The following PACS1 variants were observed in gnomAD, a reference collection of about 807,000 sequenced individuals.
PACS1 encodes PACS-1.
In PACS1, 24 loss-of-function variants were observed where a neutral mutation model predicts 115.0. The ratio of observed to expected loss-of-function variants is 0.21; its 90% CI spans 0.15 to 0.29. The LOEUF (loss-of-function observed/expected upper bound fraction) is 0.29, where lower values mean the gene tolerates loss of function less well. PACS1 is among the 10% of genes least tolerant of loss of function. The probability of loss-of-function intolerance (pLI) is 1.00; values close to 1 mark genes in which losing one functional copy is unlikely to be tolerated. For synonymous variants in PACS1, 453 were observed against 504.5 expected (o/e 0.90, Z 1.37); for missense variants, 838 against 1,251.2 (o/e 0.67, Z 4.98).
At chr11:66,181,324 TG>T (rs1860007033) in intron 1 of PACS1, among the ~76,000 whole-genome samples, 1 of 151,994 alleles carries the variant, frequency 6.6e-6, no homozygotes, top group Admixed American at 6.6e-5. Flanking sequence ...ACGATTCTTC[TG>T]CCTCAGTCTC....
At chr11:66,200,947 G>A (rs57893926) in intron 2 of PACS1, among the ~76,000 whole-genome samples, 6,656 of 151,930 alleles carry the variant, frequency 0.044, 199 homozygotes, top group Middle Eastern at 0.12. Flanking sequence ...GAGGCCAGGT[G>A]TGGTGACTCA....
chr11:66,128,978 G>C (rs897925425), intron 1 of PACS1, among the ~76,000 whole-genome samples: 1 of 152,068 alleles, frequency 6.6e-6, no homozygotes, highest in East Asian at 1.9e-4. Context: ...CTGCAGAGGG[G>C]CACAAGGGAT....
chr11:66,120,304 C>T (rs1394482586), intron 1 of PACS1, among the ~76,000 whole-genome samples: 1 of 152,024 alleles, frequency 6.6e-6, no homozygotes, highest in Non-Finnish European at 1.5e-5. Flanking sequence ...CCATTATTGG[C>T]CAGGCTGTTC....
intron 1 of PACS1, among the ~76,000 whole-genome samples, chr11:66,096,466 T>A (rs1452414477): frequency 6.6e-6 from 1 of 152,016 alleles, no homozygotes; most frequent in Non-Finnish European, 1.5e-5. Flanking sequence ...ATAGGTTCTT[T>A]ACAGCTTTTA....
At chr11:66,078,244 G>A (rs773423530) in intron 1 of PACS1, among the ~76,000 whole-genome samples, 3 of 152,098 alleles carry the variant, frequency 2.0e-5, no homozygotes, top group South Asian at 2.1e-4. Flanking sequence ...AACTGTATGC[G>A]TCTTAGAAAT....
intron 1 of PACS1, among the ~76,000 whole-genome samples, chr11:66,120,551 A>G (rs1024540172): frequency 3.9e-5 from 6 of 152,236 alleles, no homozygotes; most frequent in Non-Finnish European, 8.8e-5. Context: ...ATATGAGATC[A>G]TATCAATGCA....
At chr11:66,158,718 T>C (rs1418436802) in intron 1 of PACS1, among the ~76,000 whole-genome samples, 4 of 151,988 alleles carry the variant, frequency 2.6e-5, no homozygotes, top group Non-Finnish European at 5.9e-5. Context: ...TCAAAGATAA[T>C]AGACAATAAG....
chr11:66,220,309 C>T (rs967209273), intron 8 of PACS1: 5 of 338,098 alleles, frequency 1.5e-5, no homozygotes, highest in Non-Finnish European at 2.7e-5. Flanking sequence ...TTGTTGAGAG[C>T]GATTGCTTCG....
chr11:66,195,749 A>C lies in PACS1; in HGVS notation c.444+2176A>C, dbSNP rs569312346. ...TATAATAAATACTTATTGAGCATCTATTATGTGCCAAACATTGTTCTAGGC... is the reference window on the plus strand; with the variant it reads ...TATAATAAATACTTATTGAGCATCTCTTATGTGCCAAACATTGTTCTAGGC... On this transcript the variant is annotated intron_variant, in intron 2 of 23. Transcript: ENST00000320580. Among the ~76,000 whole-genome samples the C allele has an allele frequency of 2.0e-5, 3 of 152,318 alleles. No homozygotes were observed. The South Asian group carries it at 6.2e-4, about 32-fold the overall frequency.
At chr11:66,237,303 C>G (rs1319829282) in intron 19 of PACS1, among the ~76,000 whole-genome samples, 1 of 151,872 alleles carries the variant, frequency 6.6e-6, no homozygotes, top group Non-Finnish European at 1.5e-5. Context: ...CTCAGGAGAT[C>G]CACCTGCCTC....
At chr11:66,238,281 G>T (rs149031688) in intron 19 of PACS1, 49 of 985,122 alleles carry the variant, frequency 5.0e-5, no homozygotes, top group Non-Finnish European at 5.8e-5. Context: ...GGCAGAGACA[G>T]AGCCATCTTC....
rs1590826365 is a variant in PACS1 at position 66,216,862 on chromosome 11, C to CTTATTTTTTTTTTTTTTTTTTTTTT, written c.978+89_978+90insATTTTTTTTTTTTTTTTTTTTTTTT. 2.2e-5 allele frequency: 19 copies of CTTATTTTTTTTTTTTTTTTTTTTTT among 849,794 alleles called. 1 individual carries two copies. Among genetic ancestry groups the CTTATTTTTTTTTTTTTTTTTTTTTT allele is most frequent in the East Asian group, 8.2e-5 (3 of 36,636 alleles). 52.6% of individuals were successfully genotyped at this position (849,794 alleles called of 1,614,324 possible). On this transcript the variant is annotated intron_variant, in intron 7 of 23. Transcript: ENST00000320580. ...GCAGCATATTCAGGCCTAGTGGAGA[C>CTTATTTTTTTTTTTTTTTTTTTTTT]TTCTTAAAATCAACACAGGGTCATC...
intron 4 of PACS1, 138 bp downstream of exon 4, chr11:66,211,397 T>A: frequency 1.2e-6 from 1 of 819,220 alleles, no homozygotes; most frequent in Non-Finnish European, 1.8e-6. Flanking sequence ...ACGAGTTAAT[T>A]ATTTGCTGGA....
At chr11:66,141,285 A>G (rs1858977219) in intron 1 of PACS1, among the ~76,000 whole-genome samples, 1 of 152,162 alleles carries the variant, frequency 6.6e-6, no homozygotes, top group Non-Finnish European at 1.5e-5. Flanking sequence ...ATATATTTAT[A>G]TGCATTTTTC....
At chr11:66,194,606 C>T (rs1854607639) in intron 2 of PACS1, among the ~76,000 whole-genome samples, 1 of 152,176 alleles carries the variant, frequency 6.6e-6, no homozygotes, top group South Asian at 2.1e-4. Flanking sequence ...ACTGATTAAT[C>T]CTTTCTGCTG....
At chr11:66,167,287 A>G (rs1050096368) in intron 1 of PACS1, among the ~76,000 whole-genome samples, 22 of 145,200 alleles carry the variant, frequency 1.5e-4, no homozygotes, top group Admixed American at 4.7e-4. Context: ...TCCCTTTGTC[A>G]GTATTAGGAG....
chr11:66,073,100 C>CCA lies in PACS1; in HGVS notation c.356+2260_356+2261dup, dbSNP rs1228437131. On this transcript the variant is annotated intron_variant, in intron 1 of 23. Transcript: ENST00000320580. ...TTTACTGACCAGTCCTTGAGCTTGTCCACTGTCCTGCTCCGACATTGTTTT... is the reference window on the plus strand; with the variant it reads ...TTTACTGACCAGTCCTTGAGCTTGTCCACACTGTCCTGCTCCGACATTGTTTT... Among the ~76,000 whole-genome samples the CCA allele has an allele frequency of 7.9e-5, 12 of 152,336 alleles. No homozygotes were observed. In the East Asian group the frequency reaches 2.1e-3, roughly 27 times the overall value.
At chr11:66,173,851 G>C (rs147915800) in intron 1 of PACS1, among the ~76,000 whole-genome samples, 2 of 152,014 alleles carry the variant, frequency 1.3e-5, no homozygotes, top group Non-Finnish European at 2.9e-5. Flanking sequence ...TCAGGAGTTC[G>C]AGACCAACTT....
chr11:66,120,272 T>G (rs1170543632), intron 1 of PACS1, among the ~76,000 whole-genome samples: 1 of 152,042 alleles, frequency 6.6e-6, no homozygotes, highest in African/African-American at 2.4e-5. Flanking sequence ...ATTTTTGTAT[T>G]TTTAGTAGAG....
Sources: gnomAD v4.1 joint callset for allele counts (sites outside exome capture counted in the v4.1 genomes callset) on GRCh38, gnomAD v4.1.1 for gene constraint, MANE v1.5 for transcripts, NCBI Gene and HGNC (gene_info 2026-07-23, HGNC 2026-07-21) for gene names.